DCAF6: variants seen among roughly 807,000 people sequenced by gnomAD.
DCAF6 encodes the protein DDB1- and CUL4-associated factor 6.
In DCAF6, 54 loss-of-function variants were observed where a neutral mutation model predicts 125.1. The ratio of observed to expected loss-of-function variants is 0.43; its 90% CI spans 0.35 to 0.54. DCAF6 has a LOEUF of 0.54. Among genes scored for constraint, DCAF6 ranks in the 20% least tolerant of loss-of-function variants. The probability of loss-of-function intolerance (pLI) is 0.01; values close to 1 mark genes in which losing one functional copy is unlikely to be tolerated. For missense variants in DCAF6, 934 were observed against 1,161.7 expected (o/e 0.80, Z 2.85); for synonymous variants, 371 against 390.4 (o/e 0.95, Z 0.58).
At chr1:168,003,083 C>T (rs1682866055) in intron 8 of DCAF6, among the ~76,000 whole-genome samples, 1 of 152,026 alleles carries the variant, frequency 6.6e-6, no homozygotes, top group South Asian at 2.1e-4. Context: ...TGGTCTGTAA[C>T]CAAAATCTTA....
chr1:167,976,888 T>G (rs1432091381), intron 4 of DCAF6, among the ~76,000 whole-genome samples: 2 of 19,686 alleles, frequency 1.0e-4, no homozygotes, highest in East Asian at 1.1e-3. Context: ...CTTTAGCAGT[T>G]TTTTTTTTTT....
the DCAF6 span, among the ~76,000 whole-genome samples, chr1:167,891,656 A>AG: frequency 1.3e-5 from 1 of 75,590 alleles, no homozygotes; most frequent in African/African-American, 7.9e-5. Flanking sequence ...ACTCTGTCTC[A>AG]AAAAAAAAAA....
intron 4 of DCAF6, among the ~76,000 whole-genome samples, chr1:167,984,955 G>A (rs1679733972): frequency 6.6e-6 from 1 of 152,174 alleles, no homozygotes; most frequent in Non-Finnish European, 1.5e-5. Context: ...AATCATGGTG[G>A]AAGGTGAAAG....
intron 6 of DCAF6, 86 bp from the exon 7 acceptor site, chr1:167,993,140 C>G: frequency 8.8e-7 from 1 of 1,130,996 alleles, no homozygotes; most frequent in South Asian, 1.6e-5. Context: ...CATTAAGTCA[C>G]ATGTAATAAT....
At chr1:168,062,374 T>A (rs1691706333) in intron 17 of DCAF6, among the ~76,000 whole-genome samples, 1 of 152,198 alleles carries the variant, frequency 6.6e-6, no homozygotes. Flanking sequence ...CCTTAGGATT[T>A]TCAACTTTCC....
chr1:167,867,748 G>T, the DCAF6 span, among the ~76,000 whole-genome samples: 24 of 151,614 alleles, frequency 1.6e-4, no homozygotes, highest in Admixed American at 5.9e-4. Context: ...AATAGCAATC[G>T]GCATAGAATA....
chr1:168,004,979 CA>C (rs1253262166), intron 10 of DCAF6, among the ~76,000 whole-genome samples, 186 bp downstream of exon 10: 11 of 152,224 alleles, frequency 7.2e-5, no homozygotes, highest in Middle Eastern at 3.4e-3. Flanking sequence ...TGAATTTTAA[CA>C]AATAGCAGGA....
chr1:168,029,390 C>CTA (rs1411258417), intron 12 of DCAF6, among the ~76,000 whole-genome samples: 1 of 152,126 alleles, frequency 6.6e-6, no homozygotes. Flanking sequence ...GTCTGTACTT[C>CTA]ATTAATTCAA....
intron 1 of DCAF6, among the ~76,000 whole-genome samples, chr1:167,937,545 C>T (rs1671488733): frequency 6.6e-6 from 1 of 151,988 alleles, no homozygotes; most frequent in Non-Finnish European, 1.5e-5. Context: ...GATAGCTGAG[C>T]TCTCCCCACC....
chr1:167,882,436 G>A, the DCAF6 span, among the ~76,000 whole-genome samples: 697 of 135,544 alleles, frequency 5.1e-3, 10 homozygotes, highest in African/African-American at 0.019. Flanking sequence ...AGTGAGCCGA[G>A]ATCATGCCAC....
At chr1:167,905,921 T>C in the DCAF6 span, among the ~76,000 whole-genome samples, 1 of 152,356 alleles carries the variant, frequency 6.6e-6, no homozygotes, top group South Asian at 2.1e-4. Flanking sequence ...GTAAAAATCA[T>C]GCTCTACCAG....
At chr1:168,001,082 C>T (rs984905956) in intron 7 of DCAF6, among the ~76,000 whole-genome samples, 1 of 152,044 alleles carries the variant, frequency 6.6e-6, no homozygotes, top group African/African-American at 2.4e-5. Context: ...GGGAGGATTG[C>T]TTGAGGCCAG....
the DCAF6 span, chr1:167,870,280 G>C: frequency 6.2e-7 from 1 of 1,613,892 alleles, no homozygotes; most frequent in Non-Finnish European, 8.5e-7. Flanking sequence ...CTTGGGCCAG[G>C]TACTCAATTT....
rs796285417 is a variant in DCAF6, at chr1:168,015,830, A to G, written c.1428A>G (p.Gln476=). The G allele has an allele frequency of 4.6e-6, 7 of 1,536,718 alleles. No homozygotes were observed. In the South Asian group the frequency reaches 4.9e-5, roughly 11 times the overall value. The change falls in exon 11 of 22, where the codon CAA becomes CAG. Residue 476 remains glutamine (Q), a synonymous_variant. Coordinates refer to ENST00000367840, the MANE Select transcript of DCAF6 (RefSeq NM_001198956.2). ...EIALLRKRLQ[Q]LRLKKAEQQR... ...CTTTGCTTCGTAAGCGCCTGCAACA[A>G]CTGAGGCTTAAGAAGGCTGAGCAGC...
At chr1:168,062,694 A>G (rs889036851) in intron 17 of DCAF6, among the ~76,000 whole-genome samples, 1 of 151,874 alleles carries the variant, frequency 6.6e-6, no homozygotes, top group Non-Finnish European at 1.5e-5. Context: ...AAATAAATTC[A>G]AACTGACAAA....
chr1:168,016,547 A>G (rs1410038279), intron 11 of DCAF6, among the ~76,000 whole-genome samples: 1 of 152,116 alleles, frequency 6.6e-6, no homozygotes, highest in Non-Finnish European at 1.5e-5. Flanking sequence ...TGTTCTTATT[A>G]TGCTATAAAA....
intron 7 of DCAF6, among the ~76,000 whole-genome samples, chr1:167,998,945 T>C (rs1237443209): frequency 6.6e-6 from 1 of 152,118 alleles, no homozygotes; most frequent in Non-Finnish European, 1.5e-5. Context: ...TCACAAAAGT[T>C]CTTAATAAGG....
intron 12 of DCAF6, among the ~76,000 whole-genome samples, chr1:168,029,337 TA>T (rs1572008089): frequency 2.0e-5 from 3 of 152,194 alleles, no homozygotes; most frequent in Admixed American, 2.0e-4. Flanking sequence ...CTCCAAGAAA[TA>T]TGTAAAGATG....
chr1:167,911,174 A>T, the DCAF6 span, among the ~76,000 whole-genome samples: 2 of 152,230 alleles, frequency 1.3e-5, no homozygotes, highest in Non-Finnish European at 2.9e-5. Flanking sequence ...AGTTTTAGGA[A>T]GTGTTGAATA....
Sources: gnomAD v4.1 joint callset for allele counts (sites outside exome capture counted in the v4.1 genomes callset) on GRCh38, gnomAD v4.1.1 for gene constraint, MANE v1.5 for transcripts, NCBI Gene and HGNC (gene_info 2026-07-23, HGNC 2026-07-21) for gene names.